Variants in ARHGEF12 observed in about 807,000 individuals in gnomAD.
The protein encoded by ARHGEF12 is Rho guanine nucleotide exchange factor 12.
ARHGEF12 carries 66 observed loss-of-function variants against 211.2 expected under a neutral mutation model. The ratio of observed to expected loss-of-function variants is 0.31; its 90% CI spans 0.26 to 0.38. The LOEUF (loss-of-function observed/expected upper bound fraction) is 0.38. Among genes scored for constraint, ARHGEF12 ranks in the 10% least tolerant of loss-of-function variants. The pLI is 1.00. For synonymous variants in ARHGEF12, 592 were observed against 638.4 expected (o/e 0.93, Z 1.09); for missense variants, 1,429 against 1,869.5 (o/e 0.76, Z 4.34).
intron 11 of ARHGEF12, among the ~76,000 whole-genome samples, chr11:120,436,453 A>G (rs1394652480): frequency 6.6e-6 from 1 of 152,074 alleles, no homozygotes; most frequent in East Asian, 1.9e-4. Context: ...TCATTGCTCT[A>G]AAGAATGTCT....
intron 33 of ARHGEF12, 77 bp from the exon 34 acceptor site, chr11:120,476,584 A>G (rs1415170986): frequency 1.3e-5 from 13 of 986,382 alleles, no homozygotes; most frequent in South Asian, 5.6e-5. Context: ...GGGGCAGACT[A>G]TTTCAAGACC....
At chr11:120,475,235 T>C in intron 32 of ARHGEF12, 105 bp from the exon 33 acceptor site, 1 of 1,086,412 alleles carries the variant, frequency 9.2e-7, no homozygotes, top group Non-Finnish European at 1.3e-6. Context: ...TTTAAAATTT[T>C]GTAGCTTTAA....
chr11:120,399,506 T>G (rs1169307312), intron 1 of ARHGEF12, among the ~76,000 whole-genome samples: 2 of 152,048 alleles, frequency 1.3e-5, no homozygotes, highest in Non-Finnish European at 2.9e-5. Context: ...CTGGCATATG[T>G]ATGACTGTGG....
intron 1 of ARHGEF12, among the ~76,000 whole-genome samples, chr11:120,355,225 C>T (rs1229642480): frequency 6.6e-5 from 10 of 152,032 alleles, no homozygotes; most frequent in African/African-American, 1.4e-4. Context: ...TTTTTTTAAA[C>T]GAGAAGGTTA....
intron 1 of ARHGEF12, among the ~76,000 whole-genome samples, chr11:120,401,295 T>A (rs1944541528): frequency 6.6e-6 from 1 of 152,236 alleles, no homozygotes; most frequent in African/African-American, 2.4e-5. Context: ...CTTAATACTT[T>A]TGGTTCTGTG....
intron 1 of ARHGEF12, among the ~76,000 whole-genome samples, chr11:120,356,203 T>A (rs1351586326): frequency 2.0e-5 from 3 of 152,194 alleles, no homozygotes; most frequent in African/African-American, 7.2e-5. Context: ...TACTTCTCCT[T>A]CACTCCATGT....
Position 120,351,087 on chromosome 11 carries a change from C to T in ARHGEF12, c.32+13812C>T, listed in dbSNP as rs536918943. On this transcript the variant is annotated intron_variant, in intron 1 of 40. Coordinates refer to ENST00000397843, the MANE Select transcript of ARHGEF12 (RefSeq NM_015313.3). ...GAAATTGGCCGGGTGCGGTGACTCA[C>T]GCCTATAATCCCAGCACTTTGGGAG... Among the ~76,000 whole-genome samples the T allele has an allele frequency of 8.6e-4, 130 of 152,044 alleles. 1 individual carries two copies. The highest frequency in any genetic ancestry group is 2.9e-3 in the African/African-American group (120 of 41,486).
chr11:120,414,040 T>C (rs1226944495), intron 4 of ARHGEF12, among the ~76,000 whole-genome samples: 1 of 152,182 alleles, frequency 6.6e-6, no homozygotes, highest in Non-Finnish European at 1.5e-5. Flanking sequence ...GGTAATTATC[T>C]ATTGAGTAAG....
intron 4 of ARHGEF12, 78 bp downstream of exon 4, chr11:120,409,528 T>C (rs1944819328): frequency 8.1e-6 from 11 of 1,356,928 alleles, no homozygotes; most frequent in Admixed American, 1.9e-5. Context: ...TTTTTTCCTT[T>C]CTTTCTTTCT....
At chr11:120,353,683 T>C (rs1396075759) in intron 1 of ARHGEF12, among the ~76,000 whole-genome samples, 1 of 152,134 alleles carries the variant, frequency 6.6e-6, no homozygotes, top group African/African-American at 2.4e-5. Context: ...ATCTGAAATC[T>C]GTCTCCTTTT....
chr11:120,385,233 G>T (rs915494802), intron 1 of ARHGEF12: 3 of 865,172 alleles, frequency 3.5e-6, no homozygotes, highest in Non-Finnish European at 4.2e-6. Flanking sequence ...CATTAGCAGC[G>T]CAGTGTTGGG....
intron 1 of ARHGEF12, among the ~76,000 whole-genome samples, chr11:120,351,441 ATATATATATATATATTTTTTTT>A (rs1246681152): frequency 3.7e-3 from 15 of 4,032 alleles, no homozygotes; most frequent in Non-Finnish European, 3.8e-3. Context: ...ATATATATAT[ATATATATATATATATTTTTTTT>A]TTTTTTTTTT....
chr11:120,432,414 C>G (rs1310603517), intron 11 of ARHGEF12, among the ~76,000 whole-genome samples: 1 of 152,172 alleles, frequency 6.6e-6, no homozygotes, highest in Non-Finnish European at 1.5e-5. Flanking sequence ...ACATGACTAT[C>G]TGTTAAGATG....
At position 120,460,555 on chromosome 11, in the gene ARHGEF12, A is replaced by C. The variant is rs1031539670; in HGVS notation, c.2528-117A>C. On this transcript the variant is annotated intron_variant, in intron 26 of 40. Transcript: ENST00000397843. ...ATTTATATTTAAGGAGATAAGAAGC[A>C]GCTGTACTACTGTGAAAATCGTCTT... 1.2e-5 allele frequency: 8 copies of C among 652,798 alleles called. No homozygotes were observed. The African/African-American group carries it at 1.5e-4, about 12-fold the overall frequency. The allele number at this position is 652,798 out of a possible 1,614,324, so 40.4% of individuals were successfully genotyped here. A position where few individuals can be genotyped will look rare whatever the true frequency, so the allele number is the denominator to read the frequency against.
At chr11:120,351,192 A>G (rs1942928156) in intron 1 of ARHGEF12, among the ~76,000 whole-genome samples, 2 of 150,988 alleles carry the variant, frequency 1.3e-5, no homozygotes, top group African/African-American at 4.9e-5. Context: ...TACTAAAAAT[A>G]CAAAAAAAAT....
intron 11 of ARHGEF12, among the ~76,000 whole-genome samples, chr11:120,435,205 TGTTGTTGTG>T (rs1318278202): frequency 6.6e-6 from 1 of 152,094 alleles, no homozygotes; most frequent in African/African-American, 2.4e-5. Context: ...CTTGGCCATT[TGTTGTTGTG>T]GTTGTTGTTA....
At chr11:120,401,296 T>A (rs1944541613) in intron 1 of ARHGEF12, among the ~76,000 whole-genome samples, 1 of 152,230 alleles carries the variant, frequency 6.6e-6, no homozygotes, top group African/African-American at 2.4e-5. Context: ...TTAATACTTT[T>A]GGTTCTGTGA....
At chr11:120,457,073 T>TA (rs753732046) in intron 22 of ARHGEF12, 45 bp from the exon 23 acceptor site, 52 of 1,587,928 alleles carry the variant, frequency 3.3e-5, no homozygotes, top group Non-Finnish European at 4.1e-5. Flanking sequence ...ACCAGTGACT[T>TA]TATTAAGTAT....
At chr11:120,425,935 G>C (rs1256530384) in intron 7 of ARHGEF12, among the ~76,000 whole-genome samples, 1 of 152,092 alleles carries the variant, frequency 6.6e-6, no homozygotes, top group Non-Finnish European at 1.5e-5. Context: ...ATTTAATTCT[G>C]TTTCTCTGTA....
Sources: gnomAD v4.1 joint callset for allele counts (sites outside exome capture counted in the v4.1 genomes callset) on GRCh38, gnomAD v4.1.1 for gene constraint, MANE v1.5 for transcripts, NCBI Gene and HGNC (gene_info 2026-07-23, HGNC 2026-07-21) for gene names.